The following DNM3 variants were observed in gnomAD, a reference collection of about 807,000 sequenced individuals.
DNM3 encodes the protein dynamin-3.
DNM3 carries 47 observed loss-of-function variants against 101.6 expected under a neutral mutation model. The ratio of observed to expected loss-of-function variants is 0.46; its 90% confidence interval spans 0.37 to 0.59. The LOEUF (loss-of-function observed/expected upper bound fraction) is 0.59, where lower values mean the gene tolerates loss of function less well. Ranked by LOEUF, DNM3 falls within the 20% of genes least tolerant of loss-of-function variation. The pLI, the probability that DNM3 is intolerant of heterozygous loss-of-function variation, is 0.00. For synonymous variants in DNM3, 385 were observed against 387.9 expected, an observed-to-expected ratio of 0.99 and a Z score of 0.09; for missense variants, 849 against 1,085.7, an observed-to-expected ratio of 0.78 and a Z score of 3.06.
chr1:171,927,517 C>T (rs534497425), intron 2 of DNM3, among the ~76,000 whole-genome samples: 5 of 152,234 alleles, frequency 3.3e-5, no homozygotes, highest in East Asian at 1.9e-4. Flanking sequence ...TCTGTTCCTG[C>T]GTTAGTTTGC....
Position 171,873,561 on chromosome 1 carries a change from G to A in DNM3, c.161+31744G>A, listed in dbSNP as rs373212532. Among the ~76,000 whole-genome samples the A allele has an allele frequency of 2.0e-5, 3 of 152,166 alleles. No individual in the cohort carries two copies. In the East Asian group the frequency reaches 5.8e-4, roughly 29 times the overall value. On this transcript the variant is annotated intron_variant, in intron 1 of 20. Transcript: ENST00000627582. ...CAAAGGAAAGGCAAAGCAGGGTAAGGGGGATCAGGCATGTCCAAGAAGAAG... is the reference window on the plus strand; with the variant it reads ...CAAAGGAAAGGCAAAGCAGGGTAAGAGGGATCAGGCATGTCCAAGAAGAAG...
At position 172,068,858 on chromosome 1, in the gene DNM3, A is replaced by T; in HGVS notation, c.1375A>T (p.Ile459Phe). The T allele has an allele frequency of 6.3e-7, 1 of 1,575,464 alleles. No homozygotes were observed. The highest frequency in any genetic ancestry group is 8.6e-7 in the Non-Finnish European group (1 of 1,159,666). Residue 459 changes from isoleucine to phenylalanine, a missense_variant, in exon 11 of 21, where the codon ATT becomes TTT. Physicochemically the swap from Ile to Phe is conservative, Grantham distance 21. Around this residue, in one of 5 missense-constraint regions of DNM3, gnomAD observed 193 missense variants for 238.4 expected, o/e 0.81. Coordinates refer to ENST00000627582, the MANE Select transcript of DNM3 (RefSeq NM_015569.5). ...FPRLCEETER[I>F]VANHIREREG... ...CAGACTCTGCGAGGAAACGGAAAGG[A>T]TTGTTGCTAACCACATTCGTGAGCG...
chr1:172,016,708 G>A (rs2125729506), intron 4 of DNM3, among the ~76,000 whole-genome samples: 1 of 152,244 alleles, frequency 6.6e-6, no homozygotes, highest in African/African-American at 2.4e-5. Context: ...GAATTCATCA[G>A]TGAACCCATC....
chr1:172,018,208 GAC>G (rs1308580424), intron 4 of DNM3, among the ~76,000 whole-genome samples: 1 of 152,024 alleles, frequency 6.6e-6, no homozygotes, highest in African/African-American at 2.4e-5. Context: ...GGTGATTACT[GAC>G]ACAGTTGAAT....
At chr1:172,079,780 T>C (rs2052984343) in intron 11 of DNM3, among the ~76,000 whole-genome samples, 1 of 152,188 alleles carries the variant, frequency 6.6e-6, no homozygotes, top group Non-Finnish European at 1.5e-5. Context: ...TGGTCTTTGA[T>C]GTTGGTAAGC....
chr1:172,029,148 C>T (rs2048420046), intron 4 of DNM3, among the ~76,000 whole-genome samples: 2 of 152,098 alleles, frequency 1.3e-5, no homozygotes, highest in South Asian at 4.1e-4. Context: ...AACATTGATG[C>T]AAAAATCCTC....
chr1:172,339,578 A>C (rs1421401778), intron 17 of DNM3, among the ~76,000 whole-genome samples: 1 of 152,216 alleles, frequency 6.6e-6, no homozygotes, highest in Admixed American at 6.5e-5. Flanking sequence ...TTAGGGCAAC[A>C]GATTCCGAAT....
intron 15 of DNM3, among the ~76,000 whole-genome samples, chr1:172,286,966 G>A (rs2063725275): frequency 6.6e-6 from 1 of 152,182 alleles, no homozygotes; most frequent in African/African-American, 2.4e-5. Context: ...CTACCAGAGG[G>A]CAGAGCTCAT....
At chr1:171,865,878 C>T (rs1177585828) in intron 1 of DNM3, among the ~76,000 whole-genome samples, 2 of 152,132 alleles carry the variant, frequency 1.3e-5, no homozygotes, top group Non-Finnish European at 2.9e-5. Context: ...TATCCCTTTC[C>T]TACATTTTCA....
rs894442045 is a variant in DNM3 at position 171,987,433 on chromosome 1, T to C, written c.236-223T>C. The C allele has an allele frequency of 1.0e-5, 7 of 678,542 alleles. No homozygotes were observed. In the Admixed American group the frequency reaches 3.8e-4, roughly 37 times the overall value. The allele number at this position is 678,542 out of a possible 1,614,324, so 42.0% of individuals were successfully genotyped here. ...TTAGGGACTGGTTTTAGTATTTAAT[T>C]GCTTATCTGAAAATTGGCAAATTTA... On this transcript the variant is annotated intron_variant, in intron 2 of 20. Coordinates refer to ENST00000627582, the MANE Select transcript of DNM3 (RefSeq NM_015569.5).
rs868692075 is a variant in DNM3 at position 172,071,117 on chromosome 1, A to C, written c.1422+2212A>C. 1.5e-3 allele frequency among the ~76,000 whole-genome samples: 194 copies of C among 131,688 alleles called. 5 individuals carry two copies. Among genetic ancestry groups the C allele is most frequent in the African/African-American group, 5.1e-3 (176 of 34,354 alleles). The allele number at this position is 131,688 out of a possible 152,430, so 86.4% of individuals were successfully genotyped here. ...TATATATATATATATATATATATAT[A>C]TATCTTAGTTCTTAATTAATTTTAG... On this transcript the variant is annotated intron_variant, in intron 11 of 20. Transcript: ENST00000627582.
chr1:172,204,304 T>C (rs2060255095), intron 14 of DNM3, among the ~76,000 whole-genome samples: 1 of 143,350 alleles, frequency 7.0e-6, no homozygotes, highest in Admixed American at 6.9e-5. Flanking sequence ...TATTTGTTTG[T>C]TCTCAAAAAA....
chr1:172,398,343 C>T (rs921527921), intron 20 of DNM3, among the ~76,000 whole-genome samples: 1 of 152,140 alleles, frequency 6.6e-6, no homozygotes, highest in African/African-American at 2.4e-5. Flanking sequence ...GTTTGGCAGG[C>T]CAGCAGGATG....
chr1:172,342,220 A>T (rs1181471970), intron 17 of DNM3, among the ~76,000 whole-genome samples: 1 of 152,176 alleles, frequency 6.6e-6, no homozygotes, highest in East Asian at 1.9e-4. Flanking sequence ...AAGAATAAAA[A>T]CAGAATTACA....
intron 15 of DNM3, among the ~76,000 whole-genome samples, chr1:172,275,086 A>G (rs2063228432): frequency 6.6e-6 from 1 of 152,060 alleles, no homozygotes; most frequent in African/African-American, 2.4e-5. Context: ...CTAGACAACT[A>G]TGACTTGCCA....
chr1:171,862,005 A>G (rs547820593), intron 1 of DNM3, among the ~76,000 whole-genome samples: 71 of 152,266 alleles, frequency 4.7e-4, no homozygotes, highest in African/African-American at 1.7e-3. Context: ...GTCAGTAGAG[A>G]AGCAAATTAA....
intron 15 of DNM3, among the ~76,000 whole-genome samples, chr1:172,259,285 A>T (rs1557893949): frequency 6.6e-6 from 1 of 152,102 alleles, no homozygotes; most frequent in Non-Finnish European, 1.5e-5. Flanking sequence ...ATGCAGTTTA[A>T]ATCCAATGTT....
Position 172,354,110 on chromosome 1 carries a change from T to TGAGAGAGAGAGAGAGAGA in DNM3, c.1894-24907_1894-24906insAGAGAGAGAGAGAGAGAG, listed in dbSNP as rs1445200263. Among the ~76,000 whole-genome samples the TGAGAGAGAGAGAGAGAGA allele has an allele frequency of 5.5e-3, 290 of 52,528 alleles. 1 individual carries two copies. The highest frequency in any genetic ancestry group is 0.02 in the East Asian group (13 of 656). 34.5% of individuals were successfully genotyped at this position (52,528 alleles called of 152,430 possible). The stretch of plus-strand genomic sequence containing the variant: ...TGGGGTGTGTGTGTGTGTGTGTGTG[T>TGAGAGAGAGAGAGAGAGA]GTGAGAGAGAGAGAGAGAGAGAGAG... On this transcript the variant is annotated intron_variant, in intron 17 of 20. Transcript: ENST00000627582.
intron 2 of DNM3, among the ~76,000 whole-genome samples, chr1:171,929,158 C>G (rs2040809749): frequency 6.6e-6 from 1 of 152,010 alleles, no homozygotes; most frequent in African/African-American, 2.4e-5. Context: ...CTGGTTGCCT[C>G]AGACACTCCA....
Sources: allele counts gnomAD v4.1 joint callset (sites outside exome capture counted in the v4.1 genomes callset), GRCh38; gene constraint gnomAD v4.1.1; regional missense constraint gnomAD v4.1.1; transcripts MANE v1.5; gene names NCBI Gene and HGNC (gene_info 2026-07-23, HGNC 2026-07-21).